Variants in LCOR observed in about 807,000 individuals in gnomAD.
LCOR encodes the protein ligand-dependent corepressor.
LCOR carries 14 observed loss-of-function variants against 64.4 expected under a neutral mutation model. That is an observed-to-expected ratio of 0.22 (90% confidence interval 0.14 to 0.34). The LOEUF (loss-of-function observed/expected upper bound fraction) is 0.34, where lower values mean the gene tolerates loss of function less well. Ranked by LOEUF, LCOR falls within the 10% of genes least tolerant of loss-of-function variation. The probability of loss-of-function intolerance (pLI) is 1.00; values close to 1 mark genes in which losing one functional copy is unlikely to be tolerated. For synonymous variants in LCOR, 643 were observed against 642.5 expected, an observed-to-expected ratio of 1.00 and a Z score of -0.01; for missense variants, 1,686 against 1,765.3, an observed-to-expected ratio of 0.96 and a Z score of 0.80.
At position 96,905,574 on chromosome 10, in the gene LCOR, C is replaced by T. The variant is rs1846713558; in HGVS notation, c.-329-1691C>T. 4.6e-5 allele frequency among the ~76,000 whole-genome samples: 7 copies of T among 152,188 alleles called. 1 individual carries two copies. The South Asian group carries it at 1.5e-3, about 32-fold the overall frequency. ...GCAGTATCTAGCATTTTCTTCTCTT[C>T]TCTTATCACTACCTCCCCACCCCCA... is the stretch of plus-strand genomic sequence containing the variant. On this transcript the variant is annotated intron_variant, in intron 2 of 7. Transcript: ENST00000421806.
chr10:96,953,381 G>A (rs780093517), intron 7 of LCOR, among the ~76,000 whole-genome samples: 39 of 151,900 alleles, frequency 2.6e-4, no homozygotes, highest in African/African-American at 8.5e-4. Flanking sequence ...GCAAAACCCC[G>A]TCTCTACTAA....
At chr10:96,907,395 A>G in intron 3 of LCOR, 65 bp downstream of exon 3, 3 of 481,544 alleles carry the variant, frequency 6.2e-6, no homozygotes, top group Non-Finnish European at 8.1e-6. Flanking sequence ...TTGGTGTTTT[A>G]AGCCTCAGTC....
In LCOR at chr10:96,865,829, G is replaced by A. The variant is rs1407332182; in HGVS notation, c.-330+32350G>A. Reference sequence around the variant, plus strand: ...GCAGAGGTTGCAGTGAGCTGAGATCGCGCCATTACACTCCAGCCTGGGCAA... The same window carrying A: ...GCAGAGGTTGCAGTGAGCTGAGATCACGCCATTACACTCCAGCCTGGGCAA... On this transcript the variant is annotated intron_variant, in intron 2 of 7. Transcript: ENST00000421806. Among the ~76,000 whole-genome samples the A allele has an allele frequency of 2.0e-5, 3 of 147,798 alleles. No homozygotes were observed. The South Asian group carries it at 6.4e-4, about 31-fold the overall frequency.
intron 7 of LCOR, chr10:96,956,209 T>C (rs757390007): frequency 1.8e-6 from 2 of 1,104,112 alleles, no homozygotes; most frequent in Non-Finnish European, 2.2e-6. Flanking sequence ...ACTCCTTGCC[T>C]GTAGAGCCTG....
In LCOR at chr10:96,965,497, C is replaced by T. The variant is rs1346736544; in HGVS notation, c.332+13301C>T. Among the ~76,000 whole-genome samples, 3 of 150,366 alleles carry T rather than the reference C, an allele frequency of 2.0e-5. No individual in the cohort carries two copies. In the East Asian group the frequency reaches 5.9e-4, roughly 30 times the overall value. ...CTAACACAGTGAAACCCCGTCTCTA[C>T]TAAAAATACAAAAAATTAGCCGGGC... On this transcript the variant is annotated intron_variant, in intron 7 of 7. Coordinates refer to ENST00000421806, the MANE Select transcript of LCOR (RefSeq NM_001346516.2).
intron 6 of LCOR, among the ~76,000 whole-genome samples, chr10:96,949,556 C>T (rs1191149094): frequency 1.3e-5 from 2 of 152,116 alleles, no homozygotes; most frequent in African/African-American, 2.4e-5. Flanking sequence ...CTTTCAGTTA[C>T]TTGATATTTA....
intron 2 of LCOR, among the ~76,000 whole-genome samples, chr10:96,838,031 GT>G (rs1845476769): frequency 6.6e-6 from 1 of 152,192 alleles, no homozygotes; most frequent in Non-Finnish European, 1.5e-5. Context: ...GTCTATCTGT[GT>G]TTATTTTTAA....
In LCOR at chr10:96,992,408, C is replaced by G. The variant is rs868196349; in HGVS notation, c.*7274C>G. On this transcript the variant is annotated 3_prime_UTR_variant, in exon 8 of 8. Transcript: ENST00000421806. Reference sequence around the variant, plus strand: ...CCACCCATCCTCCCCAGCTACCATGCTCAACCATTGAGCCCCCAAACAACA... The same window carrying G: ...CCACCCATCCTCCCCAGCTACCATGGTCAACCATTGAGCCCCCAAACAACA... The G allele has an allele frequency of 1.3e-5, 2 of 152,248 alleles. No individual in the cohort carries two copies. The highest frequency in any genetic ancestry group is 2.4e-5 in the African/African-American group (1 of 41,452). 9.4% of individuals were successfully genotyped at this position (152,248 alleles called of 1,614,324 possible).
Position 96,989,695 on chromosome 10 carries a change from A to ATATATATATATATT in LCOR, c.*4562_*4563insATATATATATATTT, listed in dbSNP as rs1371771053. On this transcript the variant is annotated 3_prime_UTR_variant, in exon 8 of 8. Coordinates refer to ENST00000421806, the MANE Select transcript of LCOR (RefSeq NM_001346516.2). ...TAAGGATATATATATATATATATAT[A>ATATATATATATATT]TTTTTTTTTTTTTTTTTTTTTTTTA... The ATATATATATATATT allele has an allele frequency of 2.3e-4, 20 of 86,160 alleles. No individual in the cohort carries two copies. The highest frequency in any genetic ancestry group is 1.9e-3 in the East Asian group (5 of 2,600). 5.3% of individuals were successfully genotyped at this position (86,160 alleles called of 1,614,324 possible). A position where few individuals can be genotyped will look rare whatever the true frequency, so the allele number is the denominator to read the frequency against.
intron 2 of LCOR, among the ~76,000 whole-genome samples, chr10:96,876,013 T>TAAA (rs78165964): frequency 7.1e-6 from 1 of 140,122 alleles, no homozygotes; most frequent in East Asian, 2.0e-4. Flanking sequence ...ACTTAAACAT[T>TAAA]AAAAAAAAAA....
intron 7 of LCOR, chr10:96,957,538 C>G: frequency 3.0e-6 from 3 of 985,324 alleles, no homozygotes; most frequent in Non-Finnish European, 3.6e-6. Context: ...TCAGGCCCTT[C>G]TAAATGCTTA....
At chr10:96,940,050 T>C (rs1847422397) in intron 4 of LCOR, among the ~76,000 whole-genome samples, 1 of 152,220 alleles carries the variant, frequency 6.6e-6, no homozygotes, top group Non-Finnish European at 1.5e-5. Flanking sequence ...CTCAACATCA[T>C]TAGTCAATTA....
At chr10:96,926,090 C>T (rs1378403732) in intron 4 of LCOR, among the ~76,000 whole-genome samples, 2 of 152,178 alleles carry the variant, frequency 1.3e-5, no homozygotes, top group African/African-American at 2.4e-5. Context: ...TTGTCCTTTT[C>T]CTGCTCTAAC....
At chr10:96,838,737 T>C (rs1228227451) in intron 2 of LCOR, among the ~76,000 whole-genome samples, 1 of 152,250 alleles carries the variant, frequency 6.6e-6, no homozygotes, top group Non-Finnish European at 1.5e-5. Context: ...AGTTGATGGA[T>C]ATTTGGGTTG....
chr10:96,940,073 C>T (rs1009768247), intron 4 of LCOR, among the ~76,000 whole-genome samples: 7 of 152,066 alleles, frequency 4.6e-5, no homozygotes, highest in South Asian at 2.1e-4. Context: ...AAAATACAAA[C>T]CTTAAACCAT....
At chr10:96,957,315 G>C in intron 7 of LCOR, 1 of 985,098 alleles carries the variant, frequency 1.0e-6, no homozygotes, top group Non-Finnish European at 1.2e-6. Context: ...TTGAGATCAT[G>C]TTTGTATAAG....
chr10:96,938,944 AC>A (rs1847400168), intron 4 of LCOR, among the ~76,000 whole-genome samples: 1 of 152,252 alleles, frequency 6.6e-6, no homozygotes, highest in African/African-American at 2.4e-5. Context: ...CCAAATTGAT[AC>A]GCTGATTCAG....
chr10:96,954,218 C>T (rs1318177590), intron 7 of LCOR, among the ~76,000 whole-genome samples: 1 of 152,032 alleles, frequency 6.6e-6, no homozygotes, highest in African/African-American at 2.4e-5. Flanking sequence ...AATCATGATA[C>T]TCATGTATCT....
At chr10:96,888,933 C>T (rs960383543) in intron 2 of LCOR, among the ~76,000 whole-genome samples, 4 of 152,182 alleles carry the variant, frequency 2.6e-5, no homozygotes, top group Admixed American at 2.0e-4. Context: ...TTGAGACTGG[C>T]TTCATTCACT....
Sources: gnomAD v4.1 joint callset for allele counts (sites outside exome capture counted in the v4.1 genomes callset) on GRCh38, gnomAD v4.1.1 for gene constraint, MANE v1.5 for transcripts, NCBI Gene and HGNC (gene_info 2026-07-23, HGNC 2026-07-21) for gene names.